Variants in CCDC91 observed in about 807,000 individuals in gnomAD.
The protein encoded by CCDC91 is coiled-coil domain-containing protein 91.
A neutral mutation model predicts 63.2 loss-of-function variants in CCDC91; 48 were observed. That is an observed-to-expected ratio of 0.76 (90% CI 0.60 to 0.97). The LOEUF is 0.97. Ranked by LOEUF, CCDC91 falls within the 50% of genes least tolerant of loss-of-function variation. The pLI is 0.00. For missense variants in CCDC91, 500 were observed against 494.6 expected (o/e 1.01, Z -0.10); for synonymous variants, 167 against 165.8 (o/e 1.01, Z -0.06).
chr12:28,348,795 C>G (rs1293939200), intron 6 of CCDC91, among the ~76,000 whole-genome samples: 1 of 152,116 alleles, frequency 6.6e-6, no homozygotes, highest in African/African-American at 2.4e-5. Context: ...GTGATCTTGG[C>G]TCACTGCAAC....
rs184311388 is a variant in CCDC91, at chr12:28,227,017, G to A, written c.-14-30185G>A. On this transcript the variant is annotated intron_variant, in intron 1 of 12. Coordinates refer to ENST00000536442, the MANE Select transcript of CCDC91 (RefSeq NM_018318.5). ...TGTTTTTCCTCATGATTAGACTGGG[G>A]TTAGGGTTTTTAGGAGGAAGAGCAT... Among the ~76,000 whole-genome samples, 153 of 152,232 alleles carry A rather than the reference G, an allele frequency of 1.0e-3. 1 individual carries two copies. Among genetic ancestry groups the A allele is most frequent in the African/African-American group, 3.3e-3 (139 of 41,562 alleles).
At chr12:28,421,948 G>T (rs1482669506) in intron 8 of CCDC91, among the ~76,000 whole-genome samples, 1 of 151,982 alleles carries the variant, frequency 6.6e-6, no homozygotes, top group Non-Finnish European at 1.5e-5. Context: ...ACATCACTTT[G>T]TAAGGAGTCT....
intron 1 of CCDC91, among the ~76,000 whole-genome samples, chr12:28,227,200 C>G (rs1392063547): frequency 6.6e-6 from 1 of 152,042 alleles, no homozygotes; most frequent in Non-Finnish European, 1.5e-5. Context: ...GAAAGTTATT[C>G]TTTTTCTCTT....
chr12:28,443,337 A>G (rs962220389), intron 8 of CCDC91, among the ~76,000 whole-genome samples: 1 of 151,930 alleles, frequency 6.6e-6, no homozygotes, highest in Non-Finnish European at 1.5e-5. Context: ...CCTCTTTTCT[A>G]AGCTTTAAAC....
rs557410670 is a variant in CCDC91, at chr12:28,352,388, A to G, written c.577-10050A>G. On this transcript the variant is annotated intron_variant, in intron 6 of 12. Transcript: ENST00000536442. ...GTGCTGTGTGATAGCATTTTACCCA[A>G]AATAAAACTTCTTTCAAAATTGGAG... Among the ~76,000 whole-genome samples, 394 of 152,272 alleles carry G rather than the reference A, an allele frequency of 2.6e-3. 5 individuals are homozygous for G. The highest frequency in any genetic ancestry group is 9.1e-4 in the Non-Finnish European group (62 of 68,032).
intron 7 of CCDC91, among the ~76,000 whole-genome samples, chr12:28,389,575 G>A (rs1044735162): frequency 2.0e-5 from 3 of 151,952 alleles, no homozygotes; most frequent in African/African-American, 4.8e-5. Flanking sequence ...TATGGAGAGA[G>A]AATATTATTT....
At chr12:28,220,400 CATT>C (rs139798644) in intron 1 of CCDC91, among the ~76,000 whole-genome samples, 2 of 152,156 alleles carry the variant, frequency 1.3e-5, no homozygotes, top group African/African-American at 2.4e-5. Flanking sequence ...TTTCATCTCT[CATT>C]GTGGTATTGA....
At chr12:28,312,354 G>A (rs1462853763) in intron 6 of CCDC91, among the ~76,000 whole-genome samples, 2 of 151,828 alleles carry the variant, frequency 1.3e-5, no homozygotes, top group African/African-American at 2.4e-5. Context: ...ATATTTATGT[G>A]TATGTGTTAG....
chr12:28,290,420 TGAAGGCAGCA>T (rs1235574021), intron 3 of CCDC91, among the ~76,000 whole-genome samples: 3 of 152,196 alleles, frequency 2.0e-5, no homozygotes, highest in African/African-American at 7.2e-5. Context: ...ATGGGTCTCT[TGAAGGCAGCA>T]TACCATTAGG....
At chr12:28,283,108 A>G (rs548403793) in intron 3 of CCDC91, among the ~76,000 whole-genome samples, 60 of 151,828 alleles carry the variant, frequency 4.0e-4, no homozygotes, top group South Asian at 1.0e-3. Flanking sequence ...TTTGGTTACT[A>G]TAGCCTTGTA....
chr12:28,358,438 A>G (rs968041799), intron 6 of CCDC91, among the ~76,000 whole-genome samples: 23 of 152,132 alleles, frequency 1.5e-4, no homozygotes, highest in African/African-American at 5.1e-4. Flanking sequence ...TGGCCATTCT[A>G]GTTCTTCTTT....
intron 1 of CCDC91, among the ~76,000 whole-genome samples, chr12:28,191,883 T>A (rs1435658145): frequency 1.3e-5 from 2 of 152,198 alleles, no homozygotes. Context: ...TTGCCCTGGT[T>A]ACGAAGTTTG....
chr12:28,530,381 C>T (rs1375129190), intron 12 of CCDC91, among the ~76,000 whole-genome samples: 5 of 152,324 alleles, frequency 3.3e-5, no homozygotes, highest in South Asian at 2.1e-4. Context: ...GATGAGAGAG[C>T]GAATGAGCCT....
intron 8 of CCDC91, among the ~76,000 whole-genome samples, chr12:28,433,658 T>C (rs1034650688): frequency 6.6e-6 from 1 of 151,982 alleles, no homozygotes; most frequent in Non-Finnish European, 1.5e-5. Flanking sequence ...AACTTTGTCC[T>C]TCTCTTTCAG....
chr12:28,401,462 C>G (rs1420237594), intron 8 of CCDC91, among the ~76,000 whole-genome samples: 1 of 152,014 alleles, frequency 6.6e-6, no homozygotes, highest in African/African-American at 2.4e-5. Context: ...AACTACAATT[C>G]AAGATAAGAT....
chr12:28,465,552 T>C (rs1217260070), intron 11 of CCDC91, among the ~76,000 whole-genome samples: 2 of 152,214 alleles, frequency 1.3e-5, no homozygotes, highest in Non-Finnish European at 2.9e-5. Flanking sequence ...AGAATTCTTC[T>C]GGATCTTGTC....
intron 12 of CCDC91, among the ~76,000 whole-genome samples, chr12:28,512,112 T>C (rs1939442186): frequency 6.6e-6 from 1 of 151,822 alleles, no homozygotes; most frequent in Admixed American, 6.6e-5. Flanking sequence ...GGAACACTCA[T>C]ATTTGGGTTT....
At chr12:28,504,402 C>G (rs1166124148) in intron 12 of CCDC91, among the ~76,000 whole-genome samples, 1 of 151,786 alleles carries the variant, frequency 6.6e-6, no homozygotes, top group African/African-American at 2.4e-5. Flanking sequence ...TGGCCATATA[C>G]CAGGACCCTG....
chr12:28,462,590 G>C (rs867559284), intron 11 of CCDC91, among the ~76,000 whole-genome samples: 19 of 152,162 alleles, frequency 1.2e-4, no homozygotes, highest in Middle Eastern at 6.8e-3. Context: ...CTGTTAAGTA[G>C]ATTTTCTTTG....
Sources: allele counts gnomAD v4.1 joint callset (sites outside exome capture counted in the v4.1 genomes callset), GRCh38; gene constraint gnomAD v4.1.1; transcripts MANE v1.5; gene names NCBI Gene and HGNC (gene_info 2026-07-23, HGNC 2026-07-21).